COL22A1: variants seen among roughly 807,000 people sequenced by gnomAD.
The protein encoded by COL22A1 is collagen type XXII alpha 1 chain, also known as collagen alpha-1(XXII) chain.
COL22A1 carries 221 observed loss-of-function variants against 248.9 expected under a neutral mutation model. The ratio of observed to expected loss-of-function variants is 0.89; its 90% CI spans 0.80 to 0.99. The LOEUF (loss-of-function observed/expected upper bound fraction) is 0.99. COL22A1 is among the 50% of genes least tolerant of loss of function. COL22A1 has a pLI of 0.00. For missense variants in COL22A1, 2,240 were observed against 2,179.0 expected (o/e 1.03, Z -0.56); for synonymous variants, 891 against 793.4 (o/e 1.12, Z -2.07).
intron 1 of COL22A1, among the ~76,000 whole-genome samples, chr8:138,902,556 A>G (rs1814663599): frequency 6.6e-6 from 1 of 151,756 alleles, no homozygotes; most frequent in Non-Finnish European, 1.5e-5. Flanking sequence ...AACAAAAAAA[A>G]TTAGCCAGGT....
intron 1 of COL22A1, among the ~76,000 whole-genome samples, chr8:138,885,108 G>A (rs1396670816): frequency 1.3e-5 from 2 of 152,154 alleles, no homozygotes; most frequent in Non-Finnish European, 2.9e-5. Flanking sequence ...TGCTGCGGGA[G>A]CCCTGCCTAC....
At chr8:138,611,275 T>A (rs1818839412) in intron 56 of COL22A1, among the ~76,000 whole-genome samples, 1 of 152,214 alleles carries the variant, frequency 6.6e-6, no homozygotes, top group African/African-American at 2.4e-5. Context: ...CTTGCTGGAT[T>A]CTTACAGCCT....
chr8:138,589,513 GC>G, intron 64 of COL22A1, 73 bp from the exon 65 acceptor site: 1 of 1,239,608 alleles, frequency 8.1e-7, no homozygotes, highest in South Asian at 1.6e-5. Context: ...TGAACTCACA[GC>G]TTCCATTCAC....
intron 53 of COL22A1, among the ~76,000 whole-genome samples, chr8:138,618,906 G>T (rs887286150): frequency 6.6e-6 from 1 of 152,114 alleles, no homozygotes; most frequent in East Asian, 1.9e-4. Context: ...GCTAGACATA[G>T]ATGTACATAT....
chr8:138,878,289 A>G lies in COL22A1; in HGVS notation c.119T>C (p.Val40Ala), dbSNP rs1177187967. 1 of 1,567,718 alleles carries G rather than the reference A, an allele frequency of 6.4e-7. No homozygotes were observed. Among genetic ancestry groups the G allele is most frequent in the African/African-American group, 1.4e-5 (1 of 73,934 alleles). The change falls in exon 3 of 65, where the codon GTC (valine) becomes GCC (alanine). Residue 40 changes from valine to alanine, a missense_variant. Val to Ala is a moderately conservative substitution (Grantham distance 64, BLOSUM62 0). Coordinates refer to ENST00000303045, the MANE Select transcript of COL22A1 (RefSeq NM_152888.3). ...GCTGGAGGAGGTGTCCAGGAGGAAG[A>G]CCAGATCGTAGTGGACACTTTTGCA... is the stretch of plus-strand genomic sequence containing the variant. ...AGCKSVHYDLVFLLDTSSSVG... is the reference protein window; with the variant it reads ...AGCKSVHYDLAFLLDTSSSVG...
chr8:138,668,709 C>T (rs1296475537), intron 41 of COL22A1, among the ~76,000 whole-genome samples: 2 of 152,152 alleles, frequency 1.3e-5, no homozygotes, highest in Admixed American at 6.5e-5. Flanking sequence ...GTGTGCAGGC[C>T]TAGTGCTGTG....
At position 138,766,239 on chromosome 8, in the gene COL22A1, C is replaced by T. The variant is rs144634397; in HGVS notation, c.1804-3773G>A. On this transcript the variant is annotated intron_variant, in intron 16 of 64. Transcript: ENST00000303045. ...GAGTGGAGTCTGGAGCCAAGAGTTCCTCTGACTGCAGCTTAGGACAGCTGC... is the reference window on the plus strand; with the variant it reads ...GAGTGGAGTCTGGAGCCAAGAGTTCTTCTGACTGCAGCTTAGGACAGCTGC... 2.5e-3 allele frequency among the ~76,000 whole-genome samples: 386 copies of T among 152,322 alleles called. 1 individual carries two copies. The highest frequency in any genetic ancestry group is 8.6e-3 in the African/African-American group (358 of 41,570).
In COL22A1 at chr8:138,703,799, C is replaced by T. The variant is rs147706231; in HGVS notation, c.2518-452G>A. On this transcript the variant is annotated intron_variant, in intron 30 of 64. Transcript: ENST00000303045. Reference sequence around the variant, plus strand: ...CTTTTTGGACAGTGTGTGCAGCCCACGGAGTGTGAGCCAAAGCAGGGCAGG... The same window carrying T: ...CTTTTTGGACAGTGTGTGCAGCCCATGGAGTGTGAGCCAAAGCAGGGCAGG... Among the ~76,000 whole-genome samples the T allele has an allele frequency of 3.3e-3, 507 of 152,186 alleles. 2 individuals carry two copies. The highest frequency in any genetic ancestry group is 0.012 in the African/African-American group (485 of 41,524).
intron 12 of COL22A1, among the ~76,000 whole-genome samples, chr8:138,795,445 T>C (rs1449376189): frequency 6.6e-6 from 1 of 152,030 alleles, no homozygotes; most frequent in Non-Finnish European, 1.5e-5. Flanking sequence ...TCCTCATAAC[T>C]TTTTCACCCA....
At chr8:138,750,687 C>T (rs554962711) in intron 22 of COL22A1, among the ~76,000 whole-genome samples, 13 of 152,150 alleles carry the variant, frequency 8.5e-5, no homozygotes, top group African/African-American at 3.1e-4. Context: ...GAGCTACCTG[C>T]CCATCTGTGG....
rs2132040285 is a variant in COL22A1 at position 138,877,734 on chromosome 8, G to GC, written c.658+15dup. The GC allele has an allele frequency of 1.9e-6, 3 of 1,559,186 alleles. No homozygotes were observed. Among genetic ancestry groups the GC allele is most frequent in the Non-Finnish European group, 2.6e-6 (3 of 1,150,268 alleles). ...TCACTCTTGGGAGGGGCCGCATGGG[G>GC]CCCGGGCGCACTCACTTTCACAAAG... On this transcript the variant is annotated intron_variant, in intron 3 of 64. Transcript: ENST00000303045.
At chr8:138,837,656 G>A (rs577377270) in intron 4 of COL22A1, among the ~76,000 whole-genome samples, 2 of 152,290 alleles carry the variant, frequency 1.3e-5, no homozygotes, top group South Asian at 4.1e-4. Context: ...TCTGTGTCTG[G>A]AAGTGTCCTG....
chr8:138,599,215 G>A (rs1176486842), intron 60 of COL22A1, among the ~76,000 whole-genome samples: 6 of 152,062 alleles, frequency 3.9e-5, no homozygotes, highest in Admixed American at 1.3e-4. Context: ...GGTGGCAGGC[G>A]CCTGTAGTCC....
chr8:138,664,209 GCA>G (rs1173353118), intron 41 of COL22A1, among the ~76,000 whole-genome samples: 21,610 of 102,086 alleles, frequency 0.21, 2,156 homozygotes, highest in Middle Eastern at 0.25. Flanking sequence ...GCGCGCGCGC[GCA>G]CACACACACA....
intron 49 of COL22A1, among the ~76,000 whole-genome samples, chr8:138,632,206 G>T (rs1225074175): frequency 6.6e-6 from 1 of 152,202 alleles, no homozygotes; most frequent in Non-Finnish European, 1.5e-5. Context: ...TATTGGTTAA[G>T]AGTGCAGCCT....
At chr8:138,762,567 GA>G in intron 16 of COL22A1, 101 bp from the exon 17 acceptor site, 9 of 1,102,260 alleles carry the variant, frequency 8.2e-6, no homozygotes, top group South Asian at 1.4e-5. Flanking sequence ...GGAGGGTGGG[GA>G]AAAGGTGCCA....
At chr8:138,851,914 T>C (rs1821671855) in intron 3 of COL22A1, among the ~76,000 whole-genome samples, 1 of 152,086 alleles carries the variant, frequency 6.6e-6, no homozygotes, top group South Asian at 2.1e-4. Context: ...ATGTGTGTGA[T>C]GACAGCAGGT....
intron 57 of COL22A1, 76 bp downstream of exon 57, chr8:138,607,859 GA>G: frequency 7.3e-7 from 1 of 1,378,088 alleles, no homozygotes; most frequent in South Asian, 1.2e-5. Context: ...ACAGAGGCTG[GA>G]CAATCTGTAA....
intron 22 of COL22A1, among the ~76,000 whole-genome samples, chr8:138,740,677 T>C (rs1179752094): frequency 6.6e-6 from 1 of 151,804 alleles, no homozygotes; most frequent in Non-Finnish European, 1.5e-5. Context: ...AAGAAACACA[T>C]CTATGGAAGC....
Sources: gnomAD v4.1 joint callset for allele counts (sites outside exome capture counted in the v4.1 genomes callset) on GRCh38, gnomAD v4.1.1 for gene constraint, MANE v1.5 for transcripts, NCBI Gene and HGNC (gene_info 2026-07-23, HGNC 2026-07-21) for gene names.